CLCA4: variants seen among roughly 807,000 people sequenced by gnomAD.
CLCA4 encodes calcium-activated chloride channel regulator 4.
In CLCA4, 69 loss-of-function variants were observed where a neutral mutation model predicts 78.9. The ratio of observed to expected loss-of-function variants is 0.87; its 90% CI spans 0.72 to 1.07. CLCA4 has a LOEUF of 1.07. Among genes scored for constraint, CLCA4 ranks in the 50% least tolerant of loss-of-function variants. The pLI is 0.00. For missense variants in CLCA4, 1,133 were observed against 1,095.8 expected (o/e 1.03, Z -0.48); for synonymous variants, 362 against 375.8 (o/e 0.96, Z 0.42).
At chr1:86,560,948 G>A (rs1649999080) in intron 3 of CLCA4, among the ~76,000 whole-genome samples, 1 of 152,198 alleles carries the variant, frequency 6.6e-6, no homozygotes, top group Admixed American at 6.5e-5. Flanking sequence ...AACAACAAAA[G>A]TGCACTTTAC....
In CLCA4 at chr1:86,577,988, G is replaced by A; in HGVS notation, c.2038G>A (p.Ala680Thr). ...ENGRYSLKVR[A>T]HGGANTARLK... ...TGGCAGATATAGCTTAAAAGTTCGGGCTCATGGAGGAGCAAACACTGCCAG... is the reference window on the plus strand; with the variant it reads ...TGGCAGATATAGCTTAAAAGTTCGGACTCATGGAGGAGCAAACACTGCCAG... Residue 680 changes from alanine to threonine, a missense_variant, in exon 12 of 14, where the codon GCT (alanine) becomes ACT (threonine). By Grantham distance (58) the Ala-to-Thr change is moderately conservative. Coordinates refer to ENST00000370563, the MANE Select transcript of CLCA4 (RefSeq NM_012128.4). The A allele has an allele frequency of 6.2e-7, 1 of 1,612,790 alleles. No homozygotes were observed. The highest frequency in any genetic ancestry group is 8.5e-7 in the Non-Finnish European group (1 of 1,179,304).
In CLCA4 at chr1:86,567,756, C is replaced by G. The variant is rs543486861; in HGVS notation, c.1182+105C>G. On this transcript the variant is annotated intron_variant, in intron 7 of 13. Coordinates refer to ENST00000370563, the MANE Select transcript of CLCA4 (RefSeq NM_012128.4). ...TGCTTGCTGCCTAATTTTAACATAA[C>G]TAATCCTAAGAGGCACAGGACTAAG... is the stretch of plus-strand genomic sequence containing the variant. The G allele has an allele frequency of 1.1e-5, 10 of 897,052 alleles. No individual in the cohort carries two copies. In the African/African-American group the frequency reaches 1.5e-4, roughly 14 times the overall value. The allele number at this position is 897,052 out of a possible 1,614,324, so 55.6% of individuals were successfully genotyped here.
In CLCA4 at chr1:86,560,333, A is replaced by T; in HGVS notation, c.423A>T (p.Lys141Asn). ...IHFTPDLLLGKKQNEYGPPGK... is the reference protein window; with the variant it reads ...IHFTPDLLLGNKQNEYGPPGK... ...TCACCCCTGACCTTCTACTTGGAAA[A>T]AAACAAAATGAATATGGACCACCAG... Residue 141 changes from lysine to asparagine, a missense_variant, in exon 3 of 14, where the codon AAA becomes AAT. By Grantham distance (94) the Lys-to-Asn change is moderately conservative. Transcript: ENST00000370563. The T allele has an allele frequency of 6.2e-7, 1 of 1,613,912 alleles. No homozygotes were observed. The highest frequency in any genetic ancestry group is 8.5e-7 in the Non-Finnish European group (1 of 1,179,898).
intron 1 of CLCA4, among the ~76,000 whole-genome samples, chr1:86,555,918 C>G (rs1425474593): frequency 3.9e-5 from 6 of 152,076 alleles, no homozygotes; most frequent in Admixed American, 3.9e-4. Context: ...AATGTTTCAC[C>G]TCCCTGGTTA....
At chr1:86,550,017 G>A (rs1443597668) in intron 1 of CLCA4, among the ~76,000 whole-genome samples, 4 of 152,250 alleles carry the variant, frequency 2.6e-5, no homozygotes, top group East Asian at 3.9e-4. Flanking sequence ...GTGTAGCCAC[G>A]TAAATTATTT....
At chr1:86,559,742 T>C (rs1649956827) in intron 1 of CLCA4, among the ~76,000 whole-genome samples, 190 bp from the exon 2 acceptor site, 1 of 152,204 alleles carries the variant, frequency 6.6e-6, no homozygotes, top group Admixed American at 6.5e-5. Context: ...GAGGAGGCTT[T>C]CAACGTGCAG....
At position 86,579,475 on chromosome 1, in the gene CLCA4, C is replaced by T; in HGVS notation, c.2244C>T (p.Pro748=). Residue 748 remains proline, a synonymous_variant, in exon 13 of 14, where the codon CCC becomes CCT. Transcript: ENST00000370563. ...TGGTATCACAAGTCCCAAGCCTTCCCTTGCCTGACCAATACCCACCAAGTC... is the reference window on the plus strand; with the variant it reads ...TGGTATCACAAGTCCCAAGCCTTCCTTTGCCTGACCAATACCCACCAAGTC... ...AFVVSQVPSL[P]LPDQYPPSQI... The T allele has an allele frequency of 6.2e-7, 1 of 1,613,290 alleles. No homozygotes were observed. The highest frequency in any genetic ancestry group is 1.3e-5 in the African/African-American group (1 of 74,956).
At position 86,572,725 on chromosome 1, in the gene CLCA4, G is replaced by A. The variant is rs757495025; in HGVS notation, c.1467+5G>A. The stretch of plus-strand genomic sequence containing the variant: ...CTCTCCCAGAAGTCCCTTCAGGTCA[G>A]AGTTCTCATTCCTTGGGTTTTCATG... On this transcript the variant is annotated splice_donor_5th_base_variant and intron_variant, in intron 9 of 13. Coordinates refer to ENST00000370563, the MANE Select transcript of CLCA4 (RefSeq NM_012128.4). 2.7e-6 allele frequency: 4 copies of A among 1,505,086 alleles called. No individual in the cohort carries two copies. Among genetic ancestry groups the A allele is most frequent in the Non-Finnish European group, 3.7e-6 (4 of 1,080,820 alleles). 93.2% of individuals were successfully genotyped at this position (1,505,086 alleles called of 1,614,324 possible). A position where few individuals can be genotyped will look rare whatever the true frequency, so the allele number is the denominator to read the frequency against.
chr1:86,572,780 GGTGGTTATAA>G, intron 9 of CLCA4, 60 bp downstream of exon 9: 2 of 981,902 alleles, frequency 2.0e-6, no homozygotes, highest in Non-Finnish European at 3.3e-6. Flanking sequence ...AAAACCATTT[GGTGGTTATAA>G]GTTTTGAGTT....
At position 86,563,765 on chromosome 1, in the gene CLCA4, A is replaced by G. The variant is rs1650094200; in HGVS notation, c.553A>G (p.Thr185Ala). 1 of 1,578,780 alleles carries G rather than the reference A, an allele frequency of 6.3e-7. No homozygotes were observed. The change falls in exon 4 of 14, where the codon ACA becomes GCA. Residue 185 changes from threonine (T) to alanine (A), a missense_variant. By Grantham distance (58) the Thr-to-Ala change is moderately conservative. Coordinates refer to ENST00000370563, the MANE Select transcript of CLCA4 (RefSeq NM_012128.4). ...YRAKSKKIEA[T>A]RCSAGISGRN... ...TGCTAAGTCAAAAAAAATCGAAGCA[A>G]CAAGGCATGGCTATTTAAATTTTCT...
intron 5 of CLCA4, 39 bp from the exon 6 acceptor site, chr1:86,565,763 G>A: frequency 2.5e-6 from 3 of 1,193,608 alleles, no homozygotes; most frequent in East Asian, 2.7e-5. Flanking sequence ...TTAAATGCAT[G>A]GTATATTAAA....
At chr1:86,571,280 G>A in intron 8 of CLCA4, 26 bp downstream of exon 8, 1 of 1,587,416 alleles carries the variant, frequency 6.3e-7, no homozygotes, top group Non-Finnish European at 8.6e-7. Context: ...TTTATTCCAG[G>A]CCTTCAATAG....
chr1:86,567,903 C>T (rs1650247885), intron 7 of CLCA4, among the ~76,000 whole-genome samples: 1 of 151,966 alleles, frequency 6.6e-6, no homozygotes, highest in African/African-American at 2.4e-5. Context: ...ATGGACTTTG[C>T]TGTCTTGTTA....
intron 4 of CLCA4, among the ~76,000 whole-genome samples, chr1:86,564,291 T>C (rs1046942144): frequency 2.0e-5 from 3 of 152,136 alleles, no homozygotes; most frequent in South Asian, 4.1e-4. Context: ...AAAATTAAAA[T>C]TGGTGCTATC....
intron 1 of CLCA4, among the ~76,000 whole-genome samples, chr1:86,548,149 G>T (rs1038270372): frequency 6.6e-6 from 1 of 152,140 alleles, no homozygotes; most frequent in African/African-American, 2.4e-5. Flanking sequence ...ACTGGGCTGA[G>T]ATGGTGTCTC....
intron 11 of CLCA4, among the ~76,000 whole-genome samples, chr1:86,577,058 G>A (rs371343163): frequency 1.3e-5 from 2 of 152,108 alleles, no homozygotes; most frequent in African/African-American, 4.8e-5. Flanking sequence ...AACTGAGAAG[G>A]TGAAATTGTT....
chr1:86,554,578 T>A (rs1449612205), intron 1 of CLCA4, among the ~76,000 whole-genome samples: 1 of 152,300 alleles, frequency 6.6e-6, no homozygotes, highest in South Asian at 2.1e-4. Context: ...TACCACAATT[T>A]TTAATCCAAT....
In CLCA4 at chr1:86,571,121, G is replaced by A. The variant is rs748393249; in HGVS notation, c.1227G>A (p.Leu409=). The A allele has an allele frequency of 1.9e-6, 3 of 1,612,544 alleles. No homozygotes were observed. In the South Asian group the frequency reaches 3.3e-5, roughly 18 times the overall value. ...CCCAACTCGATGGATCCGAAGTACT[G>A]CTGCTGACTGATGGGGAGGATAACA... ...LHSQLDGSEV[L]LLTDGEDNTA... Residue 409 remains leucine, a synonymous_variant, in exon 8 of 14, where the codon CTG becomes CTA. Coordinates refer to ENST00000370563, the MANE Select transcript of CLCA4 (RefSeq NM_012128.4).
In CLCA4 at chr1:86,560,238, C is replaced by G; in HGVS notation, c.328C>G (p.Leu110Val). ...TGATGTTATAGTTGCACCACCTACA[C>G]TCCCAGGTAGAGATGAACCATACAC... ...HADVIVAPPTLPGRDEPYTKQ... is the reference protein window; with the variant it reads ...HADVIVAPPTVPGRDEPYTKQ... Residue 110 changes from leucine (L) to valine (V), a missense_variant, in exon 3 of 14, where the codon CTC (leucine) becomes GTC (valine). Leu to Val is a conservative substitution (Grantham distance 32). Transcript: ENST00000370563. The G allele has an allele frequency of 1.2e-6, 2 of 1,612,980 alleles. No homozygotes were observed. Among genetic ancestry groups the G allele is most frequent in the Non-Finnish European group, 1.7e-6 (2 of 1,179,682 alleles).
Sources: gnomAD v4.1 joint callset for allele counts (sites outside exome capture counted in the v4.1 genomes callset) on GRCh38, gnomAD v4.1.1 for gene constraint, MANE v1.5 for transcripts, NCBI Gene and HGNC (gene_info 2026-07-23, HGNC 2026-07-21) for gene names.